PPP1R1C: variants seen among roughly 807,000 people sequenced by gnomAD.
The protein encoded by PPP1R1C is protein phosphatase 1 regulatory inhibitor subunit 1C, also known as protein phosphatase 1 regulatory subunit 1C.
A neutral mutation model predicts 17.4 loss-of-function variants in PPP1R1C; 15 were observed. The ratio of observed to expected loss-of-function variants is 0.86; its 90% CI spans 0.58 to 1.33. The LOEUF (loss-of-function observed/expected upper bound fraction) is 1.33. PPP1R1C is among the 40% of genes most tolerant of loss of function. The pLI is 0.00. For synonymous variants in PPP1R1C, 35 were observed against 43.1 expected, an observed-to-expected ratio of 0.81 and a Z score of 0.73; for missense variants, 143 against 130.0, an observed-to-expected ratio of 1.10 and a Z score of -0.48.
intron 2 of PPP1R1C, among the ~76,000 whole-genome samples, chr2:182,047,983 C>G (rs1341992658): frequency 6.6e-6 from 1 of 151,906 alleles, no homozygotes; most frequent in Admixed American, 6.6e-5. Flanking sequence ...ATATCTTATA[C>G]CAGGTTCTTA....
intron 2 of PPP1R1C, among the ~76,000 whole-genome samples, chr2:182,012,709 G>A (rs1468556288): frequency 1.3e-5 from 2 of 151,864 alleles, no homozygotes; most frequent in Non-Finnish European, 2.9e-5. Context: ...TTCAATGAAG[G>A]TGATTTTTCT....
At chr2:182,062,872 CA>C (rs549825393) in intron 3 of PPP1R1C, among the ~76,000 whole-genome samples, 62 of 152,184 alleles carry the variant, frequency 4.1e-4, no homozygotes, top group African/African-American at 1.4e-3. Flanking sequence ...CTTTTCAAAG[CA>C]AAAATAATTG....
chr2:182,031,624 A>G (rs923116701), intron 2 of PPP1R1C, among the ~76,000 whole-genome samples: 1 of 152,212 alleles, frequency 6.6e-6, no homozygotes, highest in African/African-American at 2.4e-5. Flanking sequence ...TTGTATTACA[A>G]TAGCCTCACT....
chr2:182,114,820 G>T (rs1689535693), intron 4 of PPP1R1C, among the ~76,000 whole-genome samples: 1 of 152,120 alleles, frequency 6.6e-6, no homozygotes, highest in Non-Finnish European at 1.5e-5. Flanking sequence ...TTTGAAAAAG[G>T]TTTGGCTTTT....
intron 2 of PPP1R1C, among the ~76,000 whole-genome samples, chr2:181,999,778 A>G (rs1685708150): frequency 6.6e-6 from 1 of 151,270 alleles, no homozygotes; most frequent in Admixed American, 6.6e-5. Flanking sequence ...ATAAGCTAAA[A>G]ACAAAAAAAA....
At chr2:182,059,964 T>TA (rs1687801930) in intron 2 of PPP1R1C, among the ~76,000 whole-genome samples, 1 of 152,088 alleles carries the variant, frequency 6.6e-6, no homozygotes, top group African/African-American at 2.4e-5. Flanking sequence ...CATTTAATCA[T>TA]CCAATGGATC....
intron 4 of PPP1R1C, among the ~76,000 whole-genome samples, chr2:182,098,502 ATAAG>A (rs1289734715): frequency 5.9e-5 from 9 of 152,188 alleles, no homozygotes; most frequent in Admixed American, 2.6e-4. Context: ...AATATCTAAA[ATAAG>A]TAAGAGATCA....
At chr2:182,003,912 A>G (rs948578681) in intron 2 of PPP1R1C, among the ~76,000 whole-genome samples, 4 of 152,054 alleles carry the variant, frequency 2.6e-5, no homozygotes, top group Non-Finnish European at 5.9e-5. Context: ...CCCAGTTTTG[A>G]TCTCAGCTCT....
In PPP1R1C at chr2:181,987,963, G is replaced by A. The variant is rs550160439; in HGVS notation, c.142+64G>A. 2.3e-6 allele frequency: 3 copies of A among 1,330,336 alleles called. No individual in the cohort carries two copies. In the South Asian group the frequency reaches 4.1e-5, roughly 18 times the overall value. The allele number at this position is 1,330,336 out of a possible 1,614,324, so 82.4% of individuals were successfully genotyped here. ...ATGGAATTGTTTAAAGAACATCAAA[G>A]TACATGTCGTACTGAAAAGTTTCAA... On this transcript the variant is annotated intron_variant, in intron 2 of 4. Coordinates refer to ENST00000682840, the MANE Select transcript of PPP1R1C (RefSeq NM_001080545.3).
At chr2:182,123,814 T>C (rs1274687105) in intron 5 of PPP1R1C, among the ~76,000 whole-genome samples, 1 of 152,218 alleles carries the variant, frequency 6.6e-6, no homozygotes, top group Non-Finnish European at 1.5e-5. Flanking sequence ...GCCTGTTCAC[T>C]CTGATGGTAG....
chr2:181,962,690 C>T lies in PPP1R1C; in HGVS notation n.111+8056C>T, dbSNP rs572367240. On this transcript the variant is annotated intron_variant and non_coding_transcript_variant, in intron 1 of 5. Transcript: ENST00000464264. This position sits in a 1 kb window ranked among gnomAD's most constrained non-coding sequence, Gnocchi z 6.0. ...CTAGCCTCAATAAGCAGCTGTTGAC[C>T]CCAGCAGTGTTTACTCCAGAATGAA... Among the ~76,000 whole-genome samples the T allele has an allele frequency of 6.6e-6, 1 of 152,294 alleles. No individual in the cohort carries two copies. The highest frequency in any genetic ancestry group is 2.4e-5 in the African/African-American group (1 of 41,564).
In PPP1R1C at chr2:181,961,948, A is replaced by C; in HGVS notation, n.111+7314A>C. On this transcript the variant is annotated intron_variant and non_coding_transcript_variant, in intron 1 of 5. Coordinates refer to the PPP1R1C transcript ENST00000464264. The surrounding 1 kb of genome is among the most constrained non-coding windows in gnomAD (Gnocchi z 5.8). ...GGAGCCCATGGATGTCACTCCCCAC[A>C]GACGGGTGCATGGCCAGCTCTGTCT... 3 of 739,544 alleles carry C rather than the reference A, an allele frequency of 4.1e-6. No individual in the cohort carries two copies. Among genetic ancestry groups the C allele is most frequent in the Non-Finnish European group, 7.5e-6 (3 of 401,540 alleles). The allele number at this position is 739,544 out of a possible 1,614,324, so 45.8% of individuals were successfully genotyped here. A position where few individuals can be genotyped will look rare whatever the true frequency, so the allele number is the denominator to read the frequency against.
At chr2:182,072,247 A>G (rs1011816846) in intron 4 of PPP1R1C, among the ~76,000 whole-genome samples, 11 of 152,202 alleles carry the variant, frequency 7.2e-5, no homozygotes, top group Non-Finnish European at 7.3e-5. Flanking sequence ...CCTTTGTTTT[A>G]TGCCTAATGG....
chr2:182,102,462 T>G (rs1041803343), intron 4 of PPP1R1C, among the ~76,000 whole-genome samples: 2 of 152,206 alleles, frequency 1.3e-5, no homozygotes, highest in African/African-American at 4.8e-5. Flanking sequence ...TCAATTCTAT[T>G]TTTTTCTCAG....
At chr2:182,083,682 G>A (rs1308490328) in intron 4 of PPP1R1C, among the ~76,000 whole-genome samples, 2 of 152,002 alleles carry the variant, frequency 1.3e-5, no homozygotes, top group South Asian at 4.2e-4. Flanking sequence ...ACTTAGTTTT[G>A]TTCCATATCT....
chr2:181,960,809 T>C (rs1421802882), intron 1 of PPP1R1C, among the ~76,000 whole-genome samples: 2 of 152,202 alleles, frequency 1.3e-5, no homozygotes, highest in African/African-American at 4.8e-5. Flanking sequence ...CAAAGAACAC[T>C]TGCTCTAAAG....
rs185883786 is a variant in PPP1R1C, at chr2:182,030,938, C to G, written c.143-30504C>G. On this transcript the variant is annotated intron_variant, in intron 2 of 4. Coordinates refer to ENST00000682840, the MANE Select transcript of PPP1R1C (RefSeq NM_001080545.3). The stretch of plus-strand genomic sequence containing the variant: ...TGGTGCGCCGTTTTTTAAGCCGGTC[C>G]GAAAAGCACAATATTCGGGTGGGAG... The G allele has an allele frequency of 3.5e-4, 55 of 156,708 alleles. No homozygotes were observed. In the East Asian group the frequency reaches 6.5e-3, roughly 19 times the overall value. The allele number at this position is 156,708 out of a possible 1,614,324, so 9.7% of individuals were successfully genotyped here. A position where few individuals can be genotyped will look rare whatever the true frequency, so the allele number is the denominator to read the frequency against.
chr2:182,129,593 T>C (rs971219402), exon 6 of PPP1R1C: 5 of 152,164 alleles, frequency 3.3e-5, no homozygotes, highest in Admixed American at 3.3e-4. Flanking sequence ...TGGCTTCACC[T>C]ATATTTCTGT....
At position 182,117,273 on chromosome 2, in the gene PPP1R1C, G is replaced by A; in HGVS notation, c.308G>A (p.Arg103Lys). The A allele has an allele frequency of 1.3e-6, 2 of 1,561,928 alleles. No homozygotes were observed. Among genetic ancestry groups the A allele is most frequent in the Non-Finnish European group, 1.7e-6 (2 of 1,152,536 alleles). ...FPEEEEGTNE[R>K]EEQRDH ...GAAGAAGAAGAAGGCACCAATGAAA[G>A]AGAGGAGCAGCGGGACCATTAATTA... Residue 103 changes from arginine (R) to lysine (K), a missense_variant, in exon 5 of 5, where the codon AGA becomes AAA. By Grantham distance (26) the Arg-to-Lys change is conservative. Coordinates refer to ENST00000682840, the MANE Select transcript of PPP1R1C (RefSeq NM_001080545.3).
Sources: gnomAD v4.1 joint callset for allele counts (sites outside exome capture counted in the v4.1 genomes callset) on GRCh38, gnomAD v4.1.1 for gene constraint, Gnocchi (gnomAD v3.1) non-coding constraint, MANE v1.5 for transcripts, NCBI Gene and HGNC (gene_info 2026-07-23, HGNC 2026-07-21) for gene names.